SKAP2: variants seen among roughly 807,000 people sequenced by gnomAD.
SKAP2 encodes src kinase associated phosphoprotein 2, also known as src kinase-associated phosphoprotein 2.
Under a neutral mutation model 54.9 loss-of-function variants are expected in SKAP2, and 28 were observed. That is an observed-to-expected ratio of 0.51 (90% confidence interval 0.38 to 0.70). SKAP2 has a LOEUF of 0.70. Among genes scored for constraint, SKAP2 ranks in the 30% least tolerant of loss-of-function variants. The pLI, the probability that SKAP2 is intolerant of heterozygous loss-of-function variation, is 0.00. For synonymous variants in SKAP2, 137 were observed against 134.3 expected (o/e 1.02, Z -0.14); for missense variants, 356 against 424.1 (o/e 0.84, Z 1.41).
chr7:26,840,474 A>C (rs557810532), intron 4 of SKAP2, among the ~76,000 whole-genome samples: 1 of 152,240 alleles, frequency 6.6e-6, no homozygotes, highest in Admixed American at 6.5e-5. Flanking sequence ...AAACCCAAGT[A>C]ATTATATGGT....
chr7:26,861,625 T>C (rs1785273441), intron 1 of SKAP2, among the ~76,000 whole-genome samples: 1 of 150,060 alleles, frequency 6.7e-6, no homozygotes, highest in Non-Finnish European at 1.5e-5. Context: ...CTTTTTTTTT[T>C]TTTTTTTTTT....
intron 9 of SKAP2, among the ~76,000 whole-genome samples, chr7:26,703,529 T>A (rs2127946915): frequency 6.6e-6 from 1 of 152,292 alleles, no homozygotes; most frequent in East Asian, 1.9e-4. Context: ...ATAAATGCAA[T>A]ATAATTTGTA....
intron 7 of SKAP2, 23 bp from the exon 8 acceptor site, chr7:26,726,009 A>C: frequency 6.7e-7 from 1 of 1,489,350 alleles, no homozygotes; most frequent in Non-Finnish European, 9.3e-7. Flanking sequence ...AAACAGTAAG[A>C]ACGAAAATCA....
chr7:26,817,131 C>T (rs1307782664), intron 4 of SKAP2, among the ~76,000 whole-genome samples: 1 of 152,096 alleles, frequency 6.6e-6, no homozygotes, highest in Non-Finnish European at 1.5e-5. Context: ...CATTCCCCCA[C>T]CATGATTTTG....
At chr7:26,805,560 C>T (rs1481939744) in intron 4 of SKAP2, among the ~76,000 whole-genome samples, 2 of 152,108 alleles carry the variant, frequency 1.3e-5, no homozygotes, top group Non-Finnish European at 2.9e-5. Context: ...GCTACAAAGT[C>T]ATGAGGGCAC....
At chr7:26,824,222 C>T (rs1055991606) in intron 4 of SKAP2, among the ~76,000 whole-genome samples, 1 of 152,194 alleles carries the variant, frequency 6.6e-6, no homozygotes, top group South Asian at 2.1e-4. Context: ...TTATAATTCT[C>T]TGAGGGCTAA....
chr7:26,800,772 C>T (rs546473137), intron 4 of SKAP2, among the ~76,000 whole-genome samples: 3 of 152,232 alleles, frequency 2.0e-5, no homozygotes, highest in Non-Finnish European at 4.4e-5. Context: ...TTCCTAGATA[C>T]ATACAACTGA....
intron 4 of SKAP2, among the ~76,000 whole-genome samples, chr7:26,789,407 T>C (rs1324680228): frequency 6.6e-6 from 1 of 152,246 alleles, no homozygotes; most frequent in Non-Finnish European, 1.5e-5. Context: ...GGCCTTCATG[T>C]AACCAATTTT....
intron 9 of SKAP2, among the ~76,000 whole-genome samples, chr7:26,709,252 A>C (rs544809735): frequency 6.6e-6 from 1 of 152,240 alleles, no homozygotes; most frequent in South Asian, 2.1e-4. Context: ...GGCTGCTAAC[A>C]GAAGTGAAAT....
At chr7:26,671,502 G>A (rs868147337) in intron 11 of SKAP2, among the ~76,000 whole-genome samples, 5 of 151,998 alleles carry the variant, frequency 3.3e-5, no homozygotes, top group African/African-American at 9.7e-5. Flanking sequence ...GTATTGATAT[G>A]TAGTCTATCA....
the SKAP2 span, among the ~76,000 whole-genome samples, chr7:26,660,390 T>G: frequency 6.6e-6 from 1 of 152,122 alleles, no homozygotes; most frequent in Non-Finnish European, 1.5e-5. Flanking sequence ...GGCAATTATA[T>G]CAATTTTTAA....
the SKAP2 span, among the ~76,000 whole-genome samples, chr7:26,655,134 C>T: frequency 2.6e-5 from 4 of 152,224 alleles, no homozygotes; most frequent in Non-Finnish European, 4.4e-5. Flanking sequence ...GGAACTCTTA[C>T]AGGATTCCAT....
At chr7:26,805,333 T>C (rs999441017) in intron 4 of SKAP2, among the ~76,000 whole-genome samples, 4 of 152,246 alleles carry the variant, frequency 2.6e-5, no homozygotes, top group Non-Finnish European at 5.9e-5. Context: ...TCTTCATTAT[T>C]CTAATCAGGT....
At chr7:26,815,388 G>A (rs6943741) in intron 4 of SKAP2, among the ~76,000 whole-genome samples, 2,565 of 152,138 alleles carry the variant, frequency 0.017, 88 homozygotes, top group African/African-American at 0.057. Flanking sequence ...GATTTGTTTA[G>A]GTGCATTCTA....
Position 26,772,009 on chromosome 7 carries a change from A to G in SKAP2, c.308-32045T>C, listed in dbSNP as rs192851574. Among the ~76,000 whole-genome samples, 8 of 152,336 alleles carry G rather than the reference A, an allele frequency of 5.3e-5. No individual in the cohort carries two copies. In the East Asian group the frequency reaches 1.2e-3, roughly 22 times the overall value. On this transcript the variant is annotated intron_variant, in intron 4 of 12. Coordinates refer to ENST00000345317, the MANE Select transcript of SKAP2 (RefSeq NM_003930.5). ...TCATTATTTAATAAATGCATGTTAAATAAATAATGGTTATTAAATACAGAC... is the reference window on the plus strand; with the variant it reads ...TCATTATTTAATAAATGCATGTTAAGTAAATAATGGTTATTAAATACAGAC...
chr7:26,839,060 C>A (rs1376143076), intron 4 of SKAP2, among the ~76,000 whole-genome samples: 1 of 152,088 alleles, frequency 6.6e-6, no homozygotes, highest in Middle Eastern at 3.2e-3. Context: ...CCTTTGCAGT[C>A]TTTCGTATCT....
At chr7:26,795,961 T>G (rs189849848) in intron 4 of SKAP2, among the ~76,000 whole-genome samples, 1 of 152,292 alleles carries the variant, frequency 6.6e-6, no homozygotes, top group African/African-American at 2.4e-5. Flanking sequence ...TTGGAAAATT[T>G]TTTAGAGATC....
intron 4 of SKAP2, among the ~76,000 whole-genome samples, chr7:26,801,807 G>C (rs1783921211): frequency 6.6e-6 from 1 of 152,070 alleles, no homozygotes; most frequent in Non-Finnish European, 1.5e-5. Context: ...AGAGGTGAAA[G>C]ATCTCTATAA....
intron 2 of SKAP2, 26 bp downstream of exon 2, chr7:26,854,759 C>A (rs751945402): frequency 1.2e-4 from 189 of 1,559,258 alleles, no homozygotes; most frequent in Non-Finnish European, 1.6e-4. Context: ...TGTAAGAAAT[C>A]AGTAAACAAA....
Sources: gnomAD v4.1 joint callset for allele counts (sites outside exome capture counted in the v4.1 genomes callset) on GRCh38, gnomAD v4.1.1 for gene constraint, MANE v1.5 for transcripts, NCBI Gene and HGNC (gene_info 2026-07-23, HGNC 2026-07-21) for gene names.